Variants in INSL6 observed in about 807,000 individuals in gnomAD.
INSL6 encodes insulin-like peptide INSL6.
A neutral mutation model predicts 9.4 loss-of-function variants in INSL6; 16 were observed. The observed-to-expected ratio is 1.70, with a 90% CI of 1.15 to 2.59. The LOEUF is 2.59. Ranked by LOEUF, INSL6 falls within the 30% of genes most tolerant of loss-of-function variation. The probability of loss-of-function intolerance (pLI) is 0.00; values close to 1 mark genes in which losing one functional copy is unlikely to be tolerated. For synonymous variants in INSL6, 154 were observed against 96.9 expected, an observed-to-expected ratio of 1.59 and a Z score of -3.46; for missense variants, 391 against 257.3, an observed-to-expected ratio of 1.52 and a Z score of -3.56.
At chr9:5,008,021 G>A in the INSL6 span, among the ~76,000 whole-genome samples, 4 of 152,062 alleles carry the variant, frequency 2.6e-5, no homozygotes, top group Non-Finnish European at 4.4e-5. Context: ...GAGCCACCGC[G>A]CCTGGCCCTA....
chr9:5,112,467 G>A, the INSL6 span: 5 of 548,226 alleles, frequency 9.1e-6, no homozygotes, highest in African/African-American at 5.9e-5. Context: ...AGGACCCCCG[G>A]GACCGGACCA....
the INSL6 span, among the ~76,000 whole-genome samples, chr9:5,036,916 TG>T: frequency 6.6e-6 from 1 of 152,022 alleles, no homozygotes; most frequent in African/African-American, 2.4e-5. Context: ...ACCATCAGAG[TG>T]AACAGGCAAC....
the INSL6 span, among the ~76,000 whole-genome samples, chr9:5,083,331 A>C: frequency 6.6e-6 from 1 of 152,194 alleles, no homozygotes; most frequent in African/African-American, 2.4e-5. Context: ...GGGAATGCTC[A>C]GTTCTTAGTA....
intron 3 of INSL6, chr9:5,126,834 C>CAA: frequency 8.1e-7 from 1 of 1,238,128 alleles, no homozygotes; most frequent in Non-Finnish European, 1.2e-6. Flanking sequence ...ATTTACAGAA[C>CAA]AAAGTTTTAT....
chr9:5,104,985 T>G, the INSL6 span, among the ~76,000 whole-genome samples: 3,409 of 152,284 alleles, frequency 0.022, 141 homozygotes, highest in African/African-American at 0.079. Context: ...AGCATTCCCT[T>G]TGAAAACTGG....
At chr9:5,002,079 T>C in the INSL6 span, among the ~76,000 whole-genome samples, 2 of 151,954 alleles carry the variant, frequency 1.3e-5, no homozygotes, top group South Asian at 4.1e-4. Flanking sequence ...TGTTTGTAAA[T>C]TGATCATCTT....
At chr9:5,135,961 G>A (rs1201691346) in intron 2 of INSL6, among the ~76,000 whole-genome samples, 1 of 152,116 alleles carries the variant, frequency 6.6e-6, no homozygotes, top group Non-Finnish European at 1.5e-5. Context: ...CAATCCCACA[G>A]AAATACAAAC....
chr9:4,999,872 A>G, the INSL6 span, among the ~76,000 whole-genome samples: 1 of 152,202 alleles, frequency 6.6e-6, no homozygotes, highest in Non-Finnish European at 1.5e-5. Flanking sequence ...TTAGATATGC[A>G]TGCTACTACT....
chr9:5,002,921 AGATAGAAGTTAAGG>A, the INSL6 span, among the ~76,000 whole-genome samples: 3 of 152,120 alleles, frequency 2.0e-5, no homozygotes, highest in East Asian at 3.9e-4. Flanking sequence ...CGTATGAAGT[AGATAGAAGTTAAGG>A]TTATTTTTTG....
the INSL6 span, among the ~76,000 whole-genome samples, chr9:5,095,999 G>C: frequency 2.0e-5 from 3 of 151,984 alleles, no homozygotes; most frequent in Non-Finnish European, 4.4e-5. Flanking sequence ...CCATTAACAG[G>C]ATTTCTGCCT....
chr9:5,024,043 T>C, the INSL6 span, among the ~76,000 whole-genome samples: 3 of 152,084 alleles, frequency 2.0e-5, no homozygotes, highest in East Asian at 1.9e-4. Context: ...GATCACAAGA[T>C]CAGGAGATCG....
At chr9:5,004,918 CTT>C in the INSL6 span, among the ~76,000 whole-genome samples, 6 of 131,298 alleles carry the variant, frequency 4.6e-5, no homozygotes, top group Non-Finnish European at 4.9e-5. Flanking sequence ...TACATATTGT[CTT>C]TTTTTTTTTT....
At chr9:5,109,803 AC>A in the INSL6 span, 1 of 152,162 alleles carries the variant, frequency 6.6e-6, no homozygotes, top group Non-Finnish European at 1.5e-5. Context: ...ATAAACTCAG[AC>A]CCTAACATTA....
chr9:5,122,771 A>G (rs1823710062), downstream of INSL6, among the ~76,000 whole-genome samples: 1 of 152,052 alleles, frequency 6.6e-6, no homozygotes, highest in South Asian at 2.1e-4. Flanking sequence ...GTTTGTACAA[A>G]CAATCTAGGC....
At chr9:5,021,993 A>C in the INSL6 span, 5 of 1,612,076 alleles carry the variant, frequency 3.1e-6, no homozygotes, top group Non-Finnish European at 4.2e-6. Flanking sequence ...TCTGCATGGG[A>C]ATGGCCTGCC....
the INSL6 span, chr9:5,097,801 C>G: frequency 1.3e-4 from 20 of 152,350 alleles, no homozygotes; most frequent in Admixed American, 9.8e-4. Context: ...CCACTACGTC[C>G]TATCACCAGG....
At chr9:5,060,493 C>A in the INSL6 span, among the ~76,000 whole-genome samples, 2 of 152,326 alleles carry the variant, frequency 1.3e-5, no homozygotes, top group South Asian at 2.1e-4. Flanking sequence ...TTCACAGCAT[C>A]TTCACCCAGG....
intron 2 of INSL6, among the ~76,000 whole-genome samples, chr9:5,150,920 A>C (rs547410401): frequency 6.6e-6 from 1 of 152,092 alleles, no homozygotes; most frequent in African/African-American, 2.4e-5. Flanking sequence ...AATAAAATGT[A>C]TTTTGCAGCA....
chr9:5,096,682 G>T, the INSL6 span: 1 of 152,036 alleles, frequency 6.6e-6, no homozygotes, highest in African/African-American at 2.4e-5. Context: ...ATCAATTGTT[G>T]ATTGTTTTCA....
Sources: allele counts gnomAD v4.1 joint callset (sites outside exome capture counted in the v4.1 genomes callset), GRCh38; gene constraint gnomAD v4.1.1; transcripts MANE v1.5; gene names NCBI Gene and HGNC (gene_info 2026-07-23, HGNC 2026-07-21).